The following FGFR1 variants were observed in gnomAD, a reference collection of about 807,000 sequenced individuals.
The protein encoded by FGFR1 is fibroblast growth factor receptor 1, also known as FGFR1/PLAG1 fusion.
FGFR1 carries 18 observed loss-of-function variants against 93.7 expected under a neutral mutation model. The ratio of observed to expected loss-of-function variants is 0.19; its 90% CI spans 0.13 to 0.28. The LOEUF is 0.28. Among genes scored for constraint, FGFR1 ranks in the 10% least tolerant of loss-of-function variants. The pLI, the probability that FGFR1 is intolerant of heterozygous loss-of-function variation, is 1.00. For synonymous variants in FGFR1, 448 were observed against 429.3 expected, an observed-to-expected ratio of 1.04 and a Z score of -0.54; for missense variants, 731 against 1,080.4, an observed-to-expected ratio of 0.68 and a Z score of 4.53.
intron 11 of FGFR1, 37 bp from the exon 12 acceptor site, chr8:38,417,453 G>A (rs764013307): frequency 6.4e-7 from 1 of 1,569,514 alleles, no homozygotes; most frequent in South Asian, 1.1e-5. Context: ...TACTTGGGAA[G>A]GGAGGAGGGC....
chr8:38,454,434 C>G (rs574064531), intron 2 of FGFR1, among the ~76,000 whole-genome samples: 1 of 152,342 alleles, frequency 6.6e-6, no homozygotes, highest in African/African-American at 2.4e-5. Context: ...AAACTCCCCT[C>G]AAACCTCCCA....
rs1586745091 is a variant in FGFR1, at chr8:38,457,301, G to C, written c.91+55C>G. The stretch of plus-strand genomic sequence containing the variant: ...CTGCAACCATATCACCTCCCTCCCA[G>C]CCCATCCTGTTCCCAAGGCCCAGGA... On this transcript the variant is annotated intron_variant, in intron 2 of 17. Coordinates refer to ENST00000447712, the MANE Select transcript of FGFR1 (RefSeq NM_023110.3). 7 of 1,589,158 alleles carry C rather than the reference G, an allele frequency of 4.4e-6. No homozygotes were observed. In the East Asian group the frequency reaches 1.3e-4, roughly 30 times the overall value.
In FGFR1 at chr8:38,426,559, C is replaced by T. The variant is rs1212403234; in HGVS notation, c.622-314G>A. On this transcript the variant is annotated intron_variant, in intron 5 of 17. Coordinates refer to ENST00000447712, the MANE Select transcript of FGFR1 (RefSeq NM_023110.3). This position sits in a 1 kb window ranked among gnomAD's most constrained non-coding sequence, Gnocchi z 4.1. ...GAATGTTCCCAACTGTGCACCTCTC[C>T]TATTACACTAAGAATCCAGCCCCCA... 6.6e-6 allele frequency among the ~76,000 whole-genome samples: 1 copy of T among 152,198 alleles called. No homozygotes were observed. The highest frequency in any genetic ancestry group is 1.5e-5 in the Non-Finnish European group (1 of 68,038).
At chr8:38,447,125 A>G (rs996742099) in intron 2 of FGFR1, among the ~76,000 whole-genome samples, 1 of 150,632 alleles carries the variant, frequency 6.6e-6, no homozygotes, top group African/African-American at 2.4e-5. Context: ...ACACACACAC[A>G]CACACACACA....
intron 4 of FGFR1, 78 bp downstream of exon 4, chr8:38,428,268 C>T (rs952367896): frequency 3.0e-5 from 46 of 1,515,616 alleles, no homozygotes; most frequent in Non-Finnish European, 3.9e-5. Flanking sequence ...TCCTCTTCCT[C>T]CCCTTTCAGC....
chr8:38,421,594 C>T (rs1312861477), intron 8 of FGFR1: 4 of 658,846 alleles, frequency 6.1e-6, no homozygotes, highest in Non-Finnish European at 1.1e-5. Context: ...TGGGAGGCCT[C>T]CGTGCGCCTG....
chr8:38,432,977 C>T (rs1462179661), intron 2 of FGFR1, among the ~76,000 whole-genome samples: 1 of 145,690 alleles, frequency 6.9e-6, no homozygotes, highest in African/African-American at 2.5e-5. Context: ...AAAGCTTACT[C>T]CTTCCTGAGG....
At chr8:38,451,715 T>C (rs1831136012) in intron 2 of FGFR1, among the ~76,000 whole-genome samples, 1 of 152,092 alleles carries the variant, frequency 6.6e-6, no homozygotes, top group African/African-American at 2.4e-5. Context: ...CTCAGCCCAT[T>C]AAATCACTTC....
At chr8:38,430,440 T>G in intron 2 of FGFR1, 1 of 158,922 alleles carries the variant, frequency 6.3e-6, no homozygotes, top group Non-Finnish European at 1.4e-5. Flanking sequence ...CAGCAGCCCC[T>G]GCCCAAGTCG....
rs866906610 is a variant in FGFR1, at chr8:38,415,926, G to T, written c.1798C>A (p.Leu600Met). The change falls in exon 13 of 18, where the codon CTG becomes ATG. Residue 600 changes from leucine to methionine, a missense_variant. Physicochemically the swap from Leu to Met is conservative, Grantham distance 15. Coordinates refer to ENST00000447712, the MANE Select transcript of FGFR1 (RefSeq NM_023110.3). Reference protein sequence around the residue: ...NPEEQLSSKDLVSCAYQVARG... With the variant: ...NPEEQLSSKDMVSCAYQVARG... ...GCCACCTGGTAGGCGCAGGACACCA[G>T]GTCCTTGGAGGAGAGCTGCTCCTCT... is the stretch of plus-strand genomic sequence containing the variant. 2 of 1,614,104 alleles carry T rather than the reference G, an allele frequency of 1.2e-6. No individual in the cohort carries two copies. Among genetic ancestry groups the T allele is most frequent in the Non-Finnish European group, 1.7e-6 (2 of 1,180,040 alleles).
rs144519580 is a variant in FGFR1 at position 38,436,280 on chromosome 8, G to A, written c.92-6332C>T. Among the ~76,000 whole-genome samples the A allele has an allele frequency of 6.0e-4, 92 of 152,228 alleles. No homozygotes were observed. The East Asian group carries it at 0.016, about 26-fold the overall frequency. On this transcript the variant is annotated intron_variant, in intron 2 of 17. Transcript: ENST00000447712. ...GTCCCCAGGCACTTGGGAGGCAGAG[G>A]AGGGAGGATCCCTTGAGCCCAGGAA...
intron 7 of FGFR1, chr8:38,423,885 G>C: frequency 5.6e-6 from 1 of 177,720 alleles, no homozygotes; most frequent in Non-Finnish European, 1.2e-5. Context: ...GGGACAAAGA[G>C]GTAAACAACT....
chr8:38,414,688 G>A (rs1815707164), intron 14 of FGFR1, 59 bp from the exon 15 acceptor site: 1 of 1,613,452 alleles, frequency 6.2e-7, no homozygotes, highest in Non-Finnish European at 8.5e-7. Context: ...GGGCACAGGT[G>A]GGAAGGGACT....
intron 2 of FGFR1, among the ~76,000 whole-genome samples, chr8:38,452,742 C>A (rs962311365): frequency 6.6e-6 from 1 of 151,968 alleles, no homozygotes; most frequent in East Asian, 1.9e-4. Flanking sequence ...TTTGGGAGGC[C>A]GAGGTGGGCA....
chr8:38,419,956 A>G, intron 8 of FGFR1: 1 of 575,890 alleles, frequency 1.7e-6, no homozygotes, highest in Non-Finnish European at 3.1e-6. Flanking sequence ...TGGAAAAGGG[A>G]TGGCCTAGAA....
chr8:38,463,054 A>G, intron 1 of FGFR1: 1 of 152,196 alleles, frequency 6.6e-6, no homozygotes, highest in East Asian at 1.9e-4. Flanking sequence ...ACCAGTAAGC[A>G]CGAGCATACT....
Position 38,468,415 on chromosome 8 carries a change from C to T in FGFR1, c.-523G>A, listed in dbSNP as rs1835985258. 2 of 228,326 alleles carry T rather than the reference C, an allele frequency of 8.8e-6. No homozygotes were observed. The highest frequency in any genetic ancestry group is 1.7e-5 in the Non-Finnish European group (2 of 114,770). The allele number at this position is 228,326 out of a possible 1,614,324, so 14.1% of individuals were successfully genotyped here. On this transcript the variant is annotated 5_prime_UTR_variant, in exon 1 of 18. Transcript: ENST00000447712. ...GGACCGGAGAAAAGTCCTTGGGTTC[C>T]GCGGCTTTTCAAGCAGCGGCGCGCT...
intron 2 of FGFR1, among the ~76,000 whole-genome samples, chr8:38,448,678 G>T (rs1039633172): frequency 6.6e-6 from 1 of 152,246 alleles, no homozygotes; most frequent in Admixed American, 6.5e-5. Context: ...AAAGAGGCCA[G>T]GTGTGGTGGC....
intron 2 of FGFR1, among the ~76,000 whole-genome samples, chr8:38,437,631 C>A (rs368066709): frequency 1.4e-3 from 212 of 152,230 alleles, no homozygotes; most frequent in African/African-American, 4.7e-3. Flanking sequence ...CATGGCTGTA[C>A]CCTGGTCTGA....
Sources: gnomAD v4.1 joint callset for allele counts (sites outside exome capture counted in the v4.1 genomes callset) on GRCh38, gnomAD v4.1.1 for gene constraint, Gnocchi (gnomAD v3.1) non-coding constraint, MANE v1.5 for transcripts, NCBI Gene and HGNC (gene_info 2026-07-23, HGNC 2026-07-21) for gene names.